APP: variants seen among roughly 807,000 people sequenced by gnomAD.
The protein encoded by APP is amyloid beta precursor protein, also known as amyloid-beta precursor protein.
A neutral mutation model predicts 101.4 loss-of-function variants in APP; 31 were observed. The observed-to-expected ratio is 0.31, with a 90% CI of 0.23 to 0.41. The LOEUF (loss-of-function observed/expected upper bound fraction) is 0.41, where lower values mean the gene tolerates loss of function less well. Among genes scored for constraint, APP ranks in the 10% least tolerant of loss-of-function variants. APP has a pLI of 1.00. For synonymous variants in APP, 366 were observed against 364.4 expected (o/e 1.00, Z -0.05); for missense variants, 839 against 1,003.7 (o/e 0.84, Z 2.22).
chr21:26,166,047 T>C (rs368885229), intron 1 of APP, among the ~76,000 whole-genome samples: 3 of 152,264 alleles, frequency 2.0e-5, no homozygotes, highest in East Asian at 1.9e-4. Context: ...AGAGGAAAAT[T>C]TGCCAAACTT....
intron 8 of APP, among the ~76,000 whole-genome samples, chr21:25,994,755 T>TTC: frequency 6.6e-6 from 1 of 152,356 alleles, no homozygotes; most frequent in South Asian, 2.1e-4. Context: ...TACCTTCTAG[T>TTC]TCAGCTCCTT....
At chr21:25,977,150 G>A (rs2042253292) in intron 9 of APP, among the ~76,000 whole-genome samples, 1 of 152,186 alleles carries the variant, frequency 6.6e-6, no homozygotes, top group Non-Finnish European at 1.5e-5. Context: ...CAACTTTGAT[G>A]TTCACCTGGA....
chr21:25,906,170 T>C (rs548426358), intron 14 of APP, among the ~76,000 whole-genome samples: 5 of 152,112 alleles, frequency 3.3e-5, no homozygotes, highest in Non-Finnish European at 7.4e-5. Context: ...CACATGTTAA[T>C]AGAAACAGTG....
At chr21:25,898,355 AAC>A (rs920354514) in intron 15 of APP, among the ~76,000 whole-genome samples, 20 of 152,234 alleles carry the variant, frequency 1.3e-4, no homozygotes, top group African/African-American at 4.3e-4. Flanking sequence ...TATGATTCTT[AAC>A]ACTAATTGTT....
intron 11 of APP, among the ~76,000 whole-genome samples, chr21:25,971,963 C>T (rs927997790): frequency 1.3e-5 from 2 of 152,146 alleles, no homozygotes; most frequent in Non-Finnish European, 2.9e-5. Flanking sequence ...TAGCATTCAA[C>T]AGGTTTAAAT....
intron 3 of APP, among the ~76,000 whole-genome samples, chr21:26,084,145 A>C (rs1346976160): frequency 6.6e-6 from 1 of 151,330 alleles, no homozygotes; most frequent in Non-Finnish European, 1.5e-5. Context: ...AGCCAATGCA[A>C]TTGAGGCAAT....
intron 15 of APP, among the ~76,000 whole-genome samples, chr21:25,899,919 GGA>G (rs990919915): frequency 1.3e-5 from 2 of 151,942 alleles, no homozygotes; most frequent in Non-Finnish European, 2.9e-5. Flanking sequence ...AATGGAAGTG[GGA>G]CAGTTTCCCT....
At chr21:26,014,488 C>T (rs1265090182) in intron 6 of APP, among the ~76,000 whole-genome samples, 2 of 152,162 alleles carry the variant, frequency 1.3e-5, no homozygotes, top group Admixed American at 6.5e-5. Context: ...ATTACTGATA[C>T]GCCAACTTCT....
intron 6 of APP, among the ~76,000 whole-genome samples, chr21:26,010,984 T>C (rs1251641370): frequency 1.3e-5 from 2 of 151,662 alleles, no homozygotes; most frequent in Non-Finnish European, 2.9e-5. Flanking sequence ...TGAGATCGTG[T>C]CACTGCACTC....
chr21:26,086,463 G>T (rs2061705895), intron 3 of APP, among the ~76,000 whole-genome samples: 1 of 152,060 alleles, frequency 6.6e-6, no homozygotes, highest in African/African-American at 2.4e-5. Flanking sequence ...TAGGAAGGTT[G>T]TATGCCACAC....
At chr21:25,917,378 A>T (rs980516968) in intron 13 of APP, among the ~76,000 whole-genome samples, 2 of 152,184 alleles carry the variant, frequency 1.3e-5, no homozygotes, top group African/African-American at 4.8e-5. Flanking sequence ...AAACAACATC[A>T]AAAGATAATA....
At chr21:26,015,993 C>A (rs992940372) in intron 6 of APP, among the ~76,000 whole-genome samples, 3 of 151,882 alleles carry the variant, frequency 2.0e-5, no homozygotes, top group Non-Finnish European at 4.4e-5. Context: ...ATTTGCTGAC[C>A]CTTGATCATT....
At chr21:26,170,246 AC>A (rs1033832501) in intron 1 of APP, among the ~76,000 whole-genome samples, 5 of 150,970 alleles carry the variant, frequency 3.3e-5, no homozygotes, top group African/African-American at 7.3e-5. Context: ...GCCTCCCCCG[AC>A]CCCCGCTTCC....
intron 5 of APP, among the ~76,000 whole-genome samples, chr21:26,045,624 C>T (rs150280699): frequency 8.5e-5 from 13 of 152,074 alleles, no homozygotes; most frequent in South Asian, 4.1e-4. Flanking sequence ...ATAATATAAA[C>T]GGCCCACTGT....
At chr21:25,894,379 T>C (rs1237596910) in intron 16 of APP, among the ~76,000 whole-genome samples, 4 of 152,178 alleles carry the variant, frequency 2.6e-5, no homozygotes, top group Admixed American at 6.5e-5. Flanking sequence ...CTCTAATGGA[T>C]CTGGGCAAAG....
chr21:26,003,795 T>A (rs959162260), intron 6 of APP, among the ~76,000 whole-genome samples: 6 of 152,080 alleles, frequency 3.9e-5, no homozygotes, highest in Non-Finnish European at 8.8e-5. Context: ...TGATTCCCCA[T>A]CACCTCAACT....
chr21:26,068,643 C>T (rs2046554343), intron 3 of APP, among the ~76,000 whole-genome samples: 1 of 152,166 alleles, frequency 6.6e-6, no homozygotes, highest in South Asian at 2.1e-4. Flanking sequence ...TGCTGGGATT[C>T]TAGGCATGGG....
At chr21:25,936,277 G>A (rs908759821) in intron 13 of APP, among the ~76,000 whole-genome samples, 15 of 64 alleles carry the variant, frequency 0.23, no homozygotes, top group Non-Finnish European at 0.29. Flanking sequence ...GGAGGAGGCC[G>A]GGTGCGGGGC....
chr21:25,926,327 C>G (rs2039895578), intron 13 of APP, among the ~76,000 whole-genome samples: 2 of 152,178 alleles, frequency 1.3e-5, no homozygotes, highest in African/African-American at 4.8e-5. Flanking sequence ...GAAGCATGGA[C>G]TTACTTGTAG....
Sources: allele counts gnomAD v4.1 joint callset (sites outside exome capture counted in the v4.1 genomes callset), GRCh38; gene constraint gnomAD v4.1.1; transcripts MANE v1.5; gene names NCBI Gene and HGNC (gene_info 2026-07-23, HGNC 2026-07-21).